The following TRIP11 variants were observed in gnomAD, a reference collection of about 807,000 sequenced individuals.
TRIP11 encodes the protein thyroid hormone receptor interactor 11.
TRIP11 carries 148 observed loss-of-function variants against 223.1 expected under a neutral mutation model. The ratio of observed to expected loss-of-function variants is 0.66; its 90% CI spans 0.58 to 0.76. TRIP11 has a LOEUF of 0.76. Among genes scored for constraint, TRIP11 ranks in the 30% least tolerant of loss-of-function variants. TRIP11 has a pLI of 0.00. For missense variants in TRIP11, 2,043 were observed against 2,222.0 expected (o/e 0.92, Z 1.62); for synonymous variants, 762 against 772.6 (o/e 0.99, Z 0.23).
intron 5 of TRIP11, among the ~76,000 whole-genome samples, 153 bp from the exon 6 acceptor site, chr14:92,016,014 A>G (rs547679639): frequency 1.3e-5 from 2 of 152,356 alleles, no homozygotes; most frequent in African/African-American, 4.8e-5. Context: ...CAAAATTAGG[A>G]CTATTCTGAA....
chr14:92,017,994 A>T (rs556955903), intron 4 of TRIP11, among the ~76,000 whole-genome samples: 66 of 152,354 alleles, frequency 4.3e-4, no homozygotes, highest in African/African-American at 1.5e-3. Context: ...CAAAATAACT[A>T]AAGTTAAGGT....
chr14:92,018,364 T>C (rs532799047), intron 4 of TRIP11, among the ~76,000 whole-genome samples: 57 of 152,208 alleles, frequency 3.7e-4, no homozygotes, highest in African/African-American at 1.3e-3. Flanking sequence ...GTGCTGGGAT[T>C]AGACATGAAC....
intron 13 of TRIP11, among the ~76,000 whole-genome samples, chr14:91,997,377 A>G (rs1279444981): frequency 6.6e-6 from 1 of 152,140 alleles, no homozygotes; most frequent in Admixed American, 6.6e-5. Context: ...GTGACTTTAC[A>G]TTTCATTGGG....
chr14:92,016,731 A>G (rs775028726), intron 5 of TRIP11, among the ~76,000 whole-genome samples: 6 of 152,232 alleles, frequency 3.9e-5, no homozygotes, highest in Non-Finnish European at 8.8e-5. Context: ...CCTACAAGAT[A>G]GGTATTATCA....
rs116786556 is a variant in TRIP11, at chr14:91,992,332, G to T, written c.5160+1477C>A. Among the ~76,000 whole-genome samples the T allele has an allele frequency of 4.0e-3, 613 of 152,184 alleles. 3 individuals carry two copies. Among genetic ancestry groups the T allele is most frequent in the African/African-American group, 0.014 (579 of 41,538 alleles). ...CCTAAGAGGTGGAAGATGAGAATGG[G>T]ATGTGAAGGGGTGCATAAGGAACTT... On this transcript the variant is annotated intron_variant, in intron 15 of 20. Coordinates refer to ENST00000267622, the MANE Select transcript of TRIP11 (RefSeq NM_004239.4).
rs1409453367 is a variant in TRIP11 at position 92,039,879 on chromosome 14, G to A, written c.-194C>T. The A allele has an allele frequency of 1.8e-6, 2 of 1,135,264 alleles. No individual in the cohort carries two copies. Among genetic ancestry groups the A allele is most frequent in the Non-Finnish European group, 2.5e-6 (2 of 810,122 alleles). 70.3% of individuals were successfully genotyped at this position (1,135,264 alleles called of 1,614,324 possible). A position where few individuals can be genotyped will look rare whatever the true frequency, so the allele number is the denominator to read the frequency against. ...AGAGGCCTGGCCTGGAATTTTACCA[G>A]GGGCCCGCCTCTAGTGACACAGTCA... On this transcript the variant is annotated 5_prime_UTR_variant, in exon 1 of 21. Transcript: ENST00000267622.
chr14:92,012,174 A>G (rs944262377), intron 7 of TRIP11, among the ~76,000 whole-genome samples: 2 of 152,248 alleles, frequency 1.3e-5, no homozygotes, highest in African/African-American at 4.8e-5. Flanking sequence ...ATTTAAAAGT[A>G]GTATTTTATT....
At chr14:92,025,506 C>CG in intron 2 of TRIP11, 86 bp from the exon 3 acceptor site, 1 of 850,144 alleles carries the variant, frequency 1.2e-6, no homozygotes, top group Non-Finnish European at 1.9e-6. Context: ...AAACGTACTG[C>CG]TTTCCCCCCC....
At chr14:91,990,082 G>A (rs1481344435) in intron 15 of TRIP11, among the ~76,000 whole-genome samples, 2 of 152,028 alleles carry the variant, frequency 1.3e-5, no homozygotes, top group African/African-American at 4.8e-5. Flanking sequence ...AATTGCATGT[G>A]TGTATCCATA....
At chr14:92,039,105 G>A (rs1231791828) in intron 1 of TRIP11, among the ~76,000 whole-genome samples, 3 of 152,036 alleles carry the variant, frequency 2.0e-5, no homozygotes, top group East Asian at 3.9e-4. Flanking sequence ...ACAGAAAAGA[G>A]CAAAACTCAC....
intron 19 of TRIP11, among the ~76,000 whole-genome samples, chr14:91,974,120 C>A (rs1186127080): frequency 6.6e-6 from 1 of 152,212 alleles, no homozygotes; most frequent in African/African-American, 2.4e-5. Flanking sequence ...CTAGAGCCTA[C>A]AACATACCAG....
chr14:92,008,562 C>A (rs1053577324), intron 9 of TRIP11, among the ~76,000 whole-genome samples: 3 of 152,152 alleles, frequency 2.0e-5, no homozygotes, highest in Admixed American at 2.0e-4. Flanking sequence ...AATGCTTTCT[C>A]CAAAATCTCA....
At chr14:92,027,098 TC>T (rs1368612929) in intron 2 of TRIP11, among the ~76,000 whole-genome samples, 1 of 151,776 alleles carries the variant, frequency 6.6e-6, no homozygotes, top group Non-Finnish European at 1.5e-5. Context: ...AACCAAAACT[TC>T]CAAGGCCCTG....
chr14:92,039,895 G>T lies in TRIP11; in HGVS notation c.-210C>A. The T allele has an allele frequency of 1.1e-6, 1 of 944,766 alleles. No individual in the cohort carries two copies. The highest frequency in any genetic ancestry group is 1.6e-6 in the Non-Finnish European group (1 of 643,268). The allele number at this position is 944,766 out of a possible 1,614,324, so 58.5% of individuals were successfully genotyped here. On this transcript the variant is annotated 5_prime_UTR_variant, in exon 1 of 21. Transcript: ENST00000267622. ...ATTTTACCAGGGGCCCGCCTCTAGT[G>T]ACACAGTCACCTACGGAGGGCCTTC...
chr14:92,021,537 C>G lies in TRIP11; in HGVS notation c.588+19G>C. On this transcript the variant is annotated intron_variant, in intron 4 of 20. Transcript: ENST00000267622. ...ATTTTACTCAAAGTTTTCAAAAACT[C>G]TAAAAAATTTTTATCTACCTGAGCA... 2 of 1,613,212 alleles carry G rather than the reference C, an allele frequency of 1.2e-6. No homozygotes were observed. Among genetic ancestry groups the G allele is most frequent in the Middle Eastern group, 1.7e-4 (1 of 5,854 alleles).
chr14:92,008,384 A>C (rs2056931236), intron 9 of TRIP11, among the ~76,000 whole-genome samples: 2 of 152,204 alleles, frequency 1.3e-5, no homozygotes, highest in African/African-American at 4.8e-5. Context: ...TTACTAAAGG[A>C]ATTTCCCTTA....
rs1215516320 is a variant in TRIP11 at position 91,967,049 on chromosome 14, A to G, written c.*2624T>C. The G allele has an allele frequency of 5.3e-6, 1 of 188,470 alleles. No individual in the cohort carries two copies. The highest frequency in any genetic ancestry group is 1.1e-5 in the Non-Finnish European group (1 of 90,278). 11.7% of individuals were successfully genotyped at this position (188,470 alleles called of 1,614,324 possible). A position where few individuals can be genotyped will look rare whatever the true frequency, so the allele number is the denominator to read the frequency against. Reference sequence around the variant, plus strand: ...TAAGTTTCAGAAAAGTCAATGACTTATATCTGGTTTAGATCAACGAACACT... The same window carrying G: ...TAAGTTTCAGAAAAGTCAATGACTTGTATCTGGTTTAGATCAACGAACACT... On this transcript the variant is annotated 3_prime_UTR_variant, in exon 21 of 21. Coordinates refer to ENST00000267622, the MANE Select transcript of TRIP11 (RefSeq NM_004239.4).
chr14:92,025,878 C>CAAAAAAAAAAAAA (rs372915026), intron 2 of TRIP11, among the ~76,000 whole-genome samples: 1 of 74,058 alleles, frequency 1.4e-5, no homozygotes, highest in African/African-American at 4.6e-5. Flanking sequence ...GACTCCGTCT[C>CAAAAAAAAAAAAA]AAAAAAAAAA....
chr14:91,974,439 GC>G (rs1308388046), intron 19 of TRIP11, among the ~76,000 whole-genome samples, 187 bp downstream of exon 19: 1 of 152,098 alleles, frequency 6.6e-6, no homozygotes, highest in Non-Finnish European at 1.5e-5. Context: ...AAACCTATAT[GC>G]AATAAAGTTA....
Sources: gnomAD v4.1 joint callset for allele counts (sites outside exome capture counted in the v4.1 genomes callset) on GRCh38, gnomAD v4.1.1 for gene constraint, MANE v1.5 for transcripts, NCBI Gene and HGNC (gene_info 2026-07-23, HGNC 2026-07-21) for gene names.